The following PRDM10 variants were observed in gnomAD, a reference collection of about 807,000 sequenced individuals.
The protein encoded by PRDM10 is PR domain zinc finger protein 10.
In PRDM10, 65 loss-of-function variants were observed where a neutral mutation model predicts 133.1. That is an observed-to-expected ratio of 0.49 (90% CI 0.40 to 0.60). PRDM10 has a LOEUF of 0.60. Among genes scored for constraint, PRDM10 ranks in the 20% least tolerant of loss-of-function variants. The pLI is 0.00. For missense variants in PRDM10, 1,137 were observed against 1,507.1 expected, an observed-to-expected ratio of 0.75 and a Z score of 4.07; for synonymous variants, 582 against 580.4, an observed-to-expected ratio of 1.00 and a Z score of -0.04.
intron 1 of PRDM10, among the ~76,000 whole-genome samples, chr11:129,996,672 G>A (rs959982238): frequency 3.9e-5 from 6 of 152,172 alleles, no homozygotes; most frequent in Non-Finnish European, 8.8e-5. Flanking sequence ...CAGAGAGGAA[G>A]AAACATTCCA....
chr11:129,970,136 T>C (rs1361784489), intron 1 of PRDM10, among the ~76,000 whole-genome samples: 3 of 152,222 alleles, frequency 2.0e-5, no homozygotes, highest in Non-Finnish European at 4.4e-5. Context: ...CATGAAATAT[T>C]AATAGCTGAC....
chr11:129,941,348 G>A lies in PRDM10; in HGVS notation c.966+1078C>T, dbSNP rs576313232. Among the ~76,000 whole-genome samples the A allele has an allele frequency of 3.9e-5, 6 of 152,096 alleles. No homozygotes were observed. In the South Asian group the frequency reaches 1.0e-3, roughly 26 times the overall value. On this transcript the variant is annotated intron_variant, in intron 7 of 20. Transcript: ENST00000360871. ...TAGAATCATAGCAAAATTTTATTAT[G>A]TCATCAAGAATTATTATTTAGATAA...
intron 11 of PRDM10, among the ~76,000 whole-genome samples, chr11:129,929,031 C>A (rs1297318517): frequency 6.6e-6 from 1 of 152,242 alleles, no homozygotes; most frequent in Non-Finnish European, 1.5e-5. Context: ...TAACACCTAA[C>A]TGTAAACTCC....
At position 129,902,222 on chromosome 11, in the gene PRDM10, A is replaced by G; in HGVS notation, c.*91T>C. On this transcript the variant is annotated 3_prime_UTR_variant, in exon 21 of 21. Transcript: ENST00000360871. ...GTTTCCGAACTCTTGAGTGAATAATAAATCTTACAAAAGAGCTCTACGTGT... is the reference window on the plus strand; with the variant it reads ...GTTTCCGAACTCTTGAGTGAATAATGAATCTTACAAAAGAGCTCTACGTGT... 1 of 1,470,196 alleles carries G rather than the reference A, an allele frequency of 6.8e-7. No homozygotes were observed. 91.1% of individuals were successfully genotyped at this position (1,470,196 alleles called of 1,614,324 possible). A position where few individuals can be genotyped will look rare whatever the true frequency, so the allele number is the denominator to read the frequency against.
chr11:129,992,259 C>A (rs1329207329), intron 1 of PRDM10, among the ~76,000 whole-genome samples: 2 of 152,122 alleles, frequency 1.3e-5, no homozygotes, highest in East Asian at 3.9e-4. Flanking sequence ...TGTGGAAATT[C>A]AATGTTACTT....
intron 4 of PRDM10, among the ~76,000 whole-genome samples, chr11:129,950,923 G>C (rs2323775): frequency 6.6e-6 from 1 of 152,020 alleles, no homozygotes; most frequent in Non-Finnish European, 1.5e-5. Flanking sequence ...AGATAAAACC[G>C]GCCTTCACTT....
chr11:129,982,417 C>T (rs555477152), intron 1 of PRDM10, among the ~76,000 whole-genome samples: 68 of 152,048 alleles, frequency 4.5e-4, no homozygotes, highest in African/African-American at 1.6e-3. Flanking sequence ...TGCCCACCAC[C>T]TCGCCTAGCT....
At chr11:129,933,478 T>C (rs1464668597) in intron 9 of PRDM10, among the ~76,000 whole-genome samples, 2 of 152,232 alleles carry the variant, frequency 1.3e-5, no homozygotes, top group African/African-American at 4.8e-5. Context: ...TCTTTATATA[T>C]ATATGACCAC....
rs1462884242 is a variant in PRDM10, at chr11:129,947,368, G to A, written c.297C>T (p.Ala99=). 1 of 1,614,180 alleles carries A rather than the reference G, an allele frequency of 6.2e-7. No individual in the cohort carries two copies. The highest frequency in any genetic ancestry group is 8.5e-7 in the Non-Finnish European group (1 of 1,180,030). Residue 99 remains alanine, a splice_region_variant and synonymous_variant, in exon 5 of 21, where the codon GCC becomes GCT. Coordinates refer to ENST00000360871, the MANE Select transcript of PRDM10 (RefSeq NM_199437.2). This position sits in a 1 kb window ranked among gnomAD's most constrained non-coding sequence, Gnocchi z 4.6. The part of the protein sequence containing the change: ...YVQQDATAQQ[A]SLPVHNQVLP... ...GCACCTGGTTATGAACTGGCAATGA[G>A]GCCTGGGCAAAAGTTGAAGGCACAG... is the stretch of plus-strand genomic sequence containing the variant.
intron 17 of PRDM10, among the ~76,000 whole-genome samples, chr11:129,913,782 C>A (rs2135740572): frequency 6.6e-6 from 1 of 152,250 alleles, no homozygotes; most frequent in South Asian, 2.1e-4. Context: ...TTTCCTGTCC[C>A]CATGTTAGTT....
chr11:129,905,689 G>C lies in PRDM10; in HGVS notation c.3216C>G (p.Asp1072Glu). Residue 1072 changes from aspartate to glutamate, a missense_variant, in exon 20 of 21, where the codon GAC becomes GAG. This residue lies in a region of PRDM10 where 243 missense variants were observed against 259.2 expected (regional missense o/e 0.94). Coordinates refer to ENST00000360871, the MANE Select transcript of PRDM10 (RefSeq NM_199437.2). The part of the protein sequence containing the change: ...TLPPGQFVIT[D>E]SGVATPVTTG... ...TAGTAACTGGAGTTGCCACACCACT[G>C]TCTGTAATCACAAACTGACCCGGAG... is the stretch of plus-strand genomic sequence containing the variant. 1 of 1,614,192 alleles carries C rather than the reference G, an allele frequency of 6.2e-7. No homozygotes were observed. Among genetic ancestry groups the C allele is most frequent in the Non-Finnish European group, 8.5e-7 (1 of 1,180,016 alleles).
intron 14 of PRDM10, among the ~76,000 whole-genome samples, chr11:129,917,457 T>C (rs754093500): frequency 2.0e-5 from 3 of 152,200 alleles, no homozygotes; most frequent in South Asian, 2.1e-4. Flanking sequence ...CACCAAACAA[T>C]TGAAGGTGAC....
At chr11:129,908,547 G>A (rs1371399738) in intron 19 of PRDM10, among the ~76,000 whole-genome samples, 1 of 152,192 alleles carries the variant, frequency 6.6e-6, no homozygotes, top group Non-Finnish European at 1.5e-5. Flanking sequence ...TTATCCAGCT[G>A]GAGGATGGGA....
At chr11:129,998,481 T>C (rs1432808079) in intron 1 of PRDM10, among the ~76,000 whole-genome samples, 1 of 152,236 alleles carries the variant, frequency 6.6e-6, no homozygotes, top group East Asian at 1.9e-4. Context: ...CAGCCTATGT[T>C]AGCAGACAGT....
chr11:129,905,578 G>A, intron 20 of PRDM10, 60 bp downstream of exon 20: 1 of 1,212,696 alleles, frequency 8.2e-7, no homozygotes, highest in Non-Finnish European at 1.2e-6. Context: ...GTGGTGATAA[G>A]AGTTACTATA....
intron 13 of PRDM10, among the ~76,000 whole-genome samples, chr11:129,919,447 T>C (rs931742651): frequency 6.6e-6 from 1 of 152,238 alleles, no homozygotes; most frequent in Non-Finnish European, 1.5e-5. Flanking sequence ...AGAATTTAAG[T>C]AAGAATCTCT....
rs190272871 is a variant in PRDM10, at chr11:129,945,496, C to T, written c.521-484G>A. ...AGGGAGTTACAGAAGTCTTATATCTCAGCCTAACTCAAACGGAAAAAGGGT... is the reference window on the plus strand; with the variant it reads ...AGGGAGTTACAGAAGTCTTATATCTTAGCCTAACTCAAACGGAAAAAGGGT... On this transcript the variant is annotated intron_variant, in intron 5 of 20. Transcript: ENST00000360871. The surrounding 1 kb of genome is among the most constrained non-coding windows in gnomAD (Gnocchi z 4.2). Among the ~76,000 whole-genome samples, 200 of 152,308 alleles carry T rather than the reference C, an allele frequency of 1.3e-3. 2 individuals carry two copies. The highest frequency in any genetic ancestry group is 1.5e-3 in the East Asian group (8 of 5,188).
chr11:129,919,388 C>G (rs1950455399), intron 13 of PRDM10, among the ~76,000 whole-genome samples: 1 of 152,180 alleles, frequency 6.6e-6, no homozygotes, highest in Non-Finnish European at 1.5e-5. Context: ...CATGTGTATA[C>G]TCAATTCCCA....
At chr11:129,978,061 A>G (rs1298458508) in intron 1 of PRDM10, among the ~76,000 whole-genome samples, 3 of 151,914 alleles carry the variant, frequency 2.0e-5, no homozygotes, top group African/African-American at 7.2e-5. Flanking sequence ...TAAGCCTTTG[A>G]TTAGGTTCCA....
Sources: gnomAD v4.1 joint callset for allele counts (sites outside exome capture counted in the v4.1 genomes callset) on GRCh38, gnomAD v4.1.1 for gene constraint, gnomAD v4.1.1 regional missense constraint, Gnocchi (gnomAD v3.1) non-coding constraint, MANE v1.5 for transcripts, NCBI Gene and HGNC (gene_info 2026-07-23, HGNC 2026-07-21) for gene names.